THSD7B: variants seen among roughly 807,000 people sequenced by gnomAD.
THSD7B encodes the protein thrombospondin type-1 domain-containing protein 7B.
THSD7B carries 138 observed loss-of-function variants against 213.6 expected under a neutral mutation model. The observed-to-expected ratio is 0.65, with a 90% CI of 0.56 to 0.74. The LOEUF is 0.74. Among genes scored for constraint, THSD7B ranks in the 30% least tolerant of loss-of-function variants. The pLI is 0.00. For missense variants in THSD7B, 1,931 were observed against 1,991.5 expected, an observed-to-expected ratio of 0.97 and a Z score of 0.58; for synonymous variants, 742 against 687.0, an observed-to-expected ratio of 1.08 and a Z score of -1.25.
At chr2:137,362,539 A>T (rs1685290583) in intron 12 of THSD7B, among the ~76,000 whole-genome samples, 2 of 152,144 alleles carry the variant, frequency 1.3e-5, no homozygotes, top group South Asian at 4.1e-4. Context: ...ATGGAGGAAG[A>T]TCTGCCAAGC....
intron 3 of THSD7B, among the ~76,000 whole-genome samples, chr2:137,087,554 TA>T (rs1435124607): frequency 6.6e-6 from 1 of 152,066 alleles, no homozygotes; most frequent in Non-Finnish European, 1.5e-5. Flanking sequence ...CCTTTTACAA[TA>T]GCTGCAAAAA....
intron 5 of THSD7B, among the ~76,000 whole-genome samples, chr2:137,141,366 A>G (rs1029145319): frequency 6.6e-6 from 1 of 152,104 alleles, no homozygotes; most frequent in African/African-American, 2.4e-5. Context: ...AATAGACAGC[A>G]GATTAGAGGT....
intron 2 of THSD7B, among the ~76,000 whole-genome samples, chr2:137,018,767 T>C (rs1336907989): frequency 6.6e-6 from 1 of 152,168 alleles, no homozygotes; most frequent in African/African-American, 2.4e-5. Context: ...ATTTAAAAAG[T>C]AACAAAAGTA....
intron 2 of THSD7B, among the ~76,000 whole-genome samples, chr2:137,002,386 T>A (rs775175762): frequency 8.6e-5 from 13 of 151,996 alleles, no homozygotes; most frequent in Non-Finnish European, 1.2e-4. Context: ...TATGAGATCC[T>A]TCAGGAGCAG....
At chr2:137,081,938 A>G (rs751837055) in intron 3 of THSD7B, among the ~76,000 whole-genome samples, 2 of 151,826 alleles carry the variant, frequency 1.3e-5, no homozygotes, top group African/African-American at 4.8e-5. Flanking sequence ...TTTCTGCAGG[A>G]TTCCTAATTT....
chr2:137,201,260 TTC>T (rs1371445611), intron 7 of THSD7B, among the ~76,000 whole-genome samples: 1 of 152,156 alleles, frequency 6.6e-6, no homozygotes. Context: ...CTGGAAAACA[TTC>T]TGGGGTGTGT....
At chr2:137,168,724 A>G (rs939587147) in intron 6 of THSD7B, among the ~76,000 whole-genome samples, 2 of 152,216 alleles carry the variant, frequency 1.3e-5, no homozygotes, top group Non-Finnish European at 1.5e-5. Flanking sequence ...AGTGTAAATC[A>G]TGGTGACTCA....
chr2:137,086,683 G>T (rs1687848595), intron 3 of THSD7B, among the ~76,000 whole-genome samples: 1 of 152,184 alleles, frequency 6.6e-6, no homozygotes, highest in African/African-American at 2.4e-5. Context: ...TGGTCAAACA[G>T]TATGGACCAA....
chr2:136,973,508 G>T (rs1418250288), intron 2 of THSD7B, among the ~76,000 whole-genome samples: 1 of 152,052 alleles, frequency 6.6e-6, no homozygotes, highest in African/African-American at 2.4e-5. Flanking sequence ...CATTACAAGA[G>T]AAGCAAAATG....
rs373136050 is a variant in THSD7B at position 137,425,020 on chromosome 2, G to A, written c.2959+13148G>A. 6.8e-4 allele frequency among the ~76,000 whole-genome samples: 103 copies of A among 150,796 alleles called. 1 individual carries two copies. Among genetic ancestry groups the A allele is most frequent in the South Asian group, 2.7e-3 (13 of 4,740 alleles). ...CCGGGAGGCGGAGCTTACAGTGAGC[G>A]GAGATCGCGCCACTGCACTCCAGCC... On this transcript the variant is annotated intron_variant, in intron 14 of 27. Coordinates refer to ENST00000409968, the MANE Select transcript of THSD7B (RefSeq NM_001316349.2).
intron 2 of THSD7B, among the ~76,000 whole-genome samples, chr2:137,049,481 T>A (rs1687029225): frequency 6.6e-6 from 1 of 152,218 alleles, no homozygotes; most frequent in Admixed American, 6.5e-5. Flanking sequence ...ACAATTTCAA[T>A]AAGGCACATA....
chr2:136,914,063 CT>C (rs1684311319), intron 2 of THSD7B, among the ~76,000 whole-genome samples: 1 of 152,196 alleles, frequency 6.6e-6, no homozygotes, highest in South Asian at 2.1e-4. Context: ...TTTAAAGCCA[CT>C]GGGGTGGAGC....
At chr2:137,281,829 G>C (rs1683023448) in intron 12 of THSD7B, among the ~76,000 whole-genome samples, 1 of 152,140 alleles carries the variant, frequency 6.6e-6, no homozygotes, top group South Asian at 2.1e-4. Flanking sequence ...TTGGTTCCAA[G>C]TCATTGCTAT....
chr2:137,648,879 C>T (rs946309513), intron 21 of THSD7B, among the ~76,000 whole-genome samples: 1 of 152,246 alleles, frequency 6.6e-6, no homozygotes, highest in South Asian at 2.1e-4. Context: ...ATTTAAATTC[C>T]CACCAACAGT....
At chr2:136,911,769 G>GCTA (rs536581583) in intron 2 of THSD7B, among the ~76,000 whole-genome samples, 200 of 152,264 alleles carry the variant, frequency 1.3e-3, no homozygotes, top group Non-Finnish European at 1.1e-3. Context: ...TGCATGCCAT[G>GCTA]CTACTACTAC....
intron 15 of THSD7B, among the ~76,000 whole-genome samples, chr2:137,556,533 C>T (rs1680971771): frequency 6.6e-6 from 1 of 152,164 alleles, no homozygotes; most frequent in Admixed American, 6.6e-5. Context: ...AAAAGAGCTC[C>T]TGAAGAAAGC....
chr2:136,927,901 A>T (rs1684567196), intron 2 of THSD7B, among the ~76,000 whole-genome samples: 1 of 152,202 alleles, frequency 6.6e-6, no homozygotes, highest in Non-Finnish European at 1.5e-5. Context: ...CCTTATAAAG[A>T]CACTTTCAAT....
chr2:136,892,431 A>G (rs1683877919), intron 2 of THSD7B, among the ~76,000 whole-genome samples: 1 of 151,928 alleles, frequency 6.6e-6, no homozygotes, highest in Non-Finnish European at 1.5e-5. Flanking sequence ...GTCATAATAA[A>G]TGCATAATTT....
At chr2:136,963,678 T>C (rs542148290) in intron 2 of THSD7B, among the ~76,000 whole-genome samples, 1 of 152,238 alleles carries the variant, frequency 6.6e-6, no homozygotes, top group African/African-American at 2.4e-5. Flanking sequence ...GCAGAGCTTA[T>C]GCCAACCCTG....
Sources: allele counts gnomAD v4.1 joint callset (sites outside exome capture counted in the v4.1 genomes callset), GRCh38; gene constraint gnomAD v4.1.1; transcripts MANE v1.5; gene names NCBI Gene and HGNC (gene_info 2026-07-23, HGNC 2026-07-21).